INPP5A: variants seen among roughly 807,000 people sequenced by gnomAD.
INPP5A encodes 43 kDa inositol polyphosphate 5-phophatase.
INPP5A carries 14 observed loss-of-function variants against 65.2 expected under a neutral mutation model. That is an observed-to-expected ratio of 0.21 (90% confidence interval 0.14 to 0.34). The LOEUF (loss-of-function observed/expected upper bound fraction) is 0.34, where lower values mean the gene tolerates loss of function less well. Ranked by LOEUF, INPP5A falls within the 10% of genes least tolerant of loss-of-function variation. The pLI, the probability that INPP5A is intolerant of heterozygous loss-of-function variation, is 1.00. For synonymous variants in INPP5A, 207 were observed against 208.3 expected (o/e 0.99, Z 0.05); for missense variants, 431 against 545.6 (o/e 0.79, Z 2.09).
chr10:132,653,490 C>T (rs768533052), intron 4 of INPP5A, among the ~76,000 whole-genome samples: 2 of 152,156 alleles, frequency 1.3e-5, no homozygotes, highest in Non-Finnish European at 2.9e-5. Flanking sequence ...GGGTTGTTCT[C>T]CCTTCTTTCC....
intron 13 of INPP5A, among the ~76,000 whole-genome samples, chr10:132,779,357 C>T (rs770462604): frequency 1.3e-4 from 20 of 152,246 alleles, no homozygotes; most frequent in Non-Finnish European, 2.6e-4. Context: ...CTGCCACCAG[C>T]GGGGCAGGAG....
chr10:132,563,584 A>C (rs1463490770), intron 1 of INPP5A, among the ~76,000 whole-genome samples: 1 of 152,204 alleles, frequency 6.6e-6, no homozygotes, highest in Non-Finnish European at 1.5e-5. Flanking sequence ...TGTTACACTG[A>C]ATAACTTCAA....
chr10:132,645,294 C>A (rs146348618), intron 2 of INPP5A, among the ~76,000 whole-genome samples: 1 of 152,178 alleles, frequency 6.6e-6, no homozygotes, highest in East Asian at 1.9e-4. Flanking sequence ...AGTGGCCTTG[C>A]GTGAGTTGCT....
rs1351886973 is a variant in INPP5A, at chr10:132,545,060, CCTGCG to C, written c.75+6894_75+6898del. On this transcript the variant is annotated intron_variant, in intron 1 of 15. Coordinates refer to ENST00000368594, the MANE Select transcript of INPP5A (RefSeq NM_005539.5). This position sits in a 1 kb window ranked among gnomAD's most constrained non-coding sequence, Gnocchi z 4.6. ...GGCGTGGTCACGTCCGTCCCTGTTGCCTGCGCTGCTCCGAGAAGCCCCACTCTGAC... is the reference window on the plus strand; with the variant it reads ...GGCGTGGTCACGTCCGTCCCTGTTGCCTGCTCCGAGAAGCCCCACTCTGAC... Among the ~76,000 whole-genome samples the C allele has an allele frequency of 1.3e-5, 2 of 152,110 alleles. No individual in the cohort carries two copies. Among genetic ancestry groups the C allele is most frequent in the Non-Finnish European group, 2.9e-5 (2 of 68,028 alleles).
intron 1 of INPP5A, among the ~76,000 whole-genome samples, chr10:132,600,859 C>T (rs779252269): frequency 2.0e-5 from 3 of 152,178 alleles, no homozygotes; most frequent in Non-Finnish European, 2.9e-5. Flanking sequence ...TTCACTATCA[C>T]GAGAATAGCA....
chr10:132,590,286 G>C (rs1037563986), intron 1 of INPP5A, among the ~76,000 whole-genome samples: 8 of 151,902 alleles, frequency 5.3e-5, no homozygotes, highest in Non-Finnish European at 1.2e-4. Context: ...ACGCCGTCCT[G>C]TGTGGGGACT....
intron 1 of INPP5A, among the ~76,000 whole-genome samples, chr10:132,590,877 G>A (rs2071611665): frequency 6.6e-6 from 1 of 152,200 alleles, no homozygotes; most frequent in South Asian, 2.1e-4. Context: ...TGTCCTGTCC[G>A]TGGTTAGTTA....
At chr10:132,723,417 C>T (rs1226420019) in intron 8 of INPP5A, among the ~76,000 whole-genome samples, 1 of 152,192 alleles carries the variant, frequency 6.6e-6, no homozygotes, top group Non-Finnish European at 1.5e-5. Context: ...TCCTGCGACA[C>T]CGCACACAGA....
intron 11 of INPP5A, among the ~76,000 whole-genome samples, chr10:132,754,803 T>C (rs1208800633): frequency 1.3e-5 from 2 of 152,236 alleles, no homozygotes; most frequent in Non-Finnish European, 2.9e-5. Context: ...TCCTTCTTCC[T>C]GGAGTTTTCC....
rs990573214 is a variant in INPP5A at position 132,625,961 on chromosome 10, C to T, written c.117+18005C>T. Among the ~76,000 whole-genome samples the T allele has an allele frequency of 9.9e-5, 15 of 152,054 alleles. No individual in the cohort carries two copies. In the East Asian group the frequency reaches 2.5e-3, roughly 25 times the overall value. On this transcript the variant is annotated intron_variant, in intron 2 of 15. Coordinates refer to ENST00000368594, the MANE Select transcript of INPP5A (RefSeq NM_005539.5). ...TATTGATCTTTGGTGCATGTTTCTT[C>T]GATTTTGACAAATGCGCACACCTGT...
At position 132,546,364 on chromosome 10, in the gene INPP5A, A is replaced by C. The variant is rs1301287096; in HGVS notation, c.75+8193A>C. On this transcript the variant is annotated intron_variant, in intron 1 of 15. Coordinates refer to ENST00000368594, the MANE Select transcript of INPP5A (RefSeq NM_005539.5). This position sits in a 1 kb window ranked among gnomAD's most constrained non-coding sequence, Gnocchi z 5.7. ...GTTTTTCCCCGTTGTGAGTGAGAAC[A>C]GCCCCACCTCCAGGAGCATGGCCTC... Among the ~76,000 whole-genome samples the C allele has an allele frequency of 6.6e-6, 1 of 151,856 alleles. No individual in the cohort carries two copies. The highest frequency in any genetic ancestry group is 1.5e-5 in the Non-Finnish European group (1 of 68,008).
chr10:132,680,263 A>G (rs1421346717), intron 4 of INPP5A, among the ~76,000 whole-genome samples: 1 of 152,194 alleles, frequency 6.6e-6, no homozygotes, highest in African/African-American at 2.4e-5. Context: ...AACAGCAACA[A>G]CAAAAACCAA....
At chr10:132,709,601 G>A (rs912241679) in intron 7 of INPP5A, among the ~76,000 whole-genome samples, 4 of 152,138 alleles carry the variant, frequency 2.6e-5, no homozygotes, top group African/African-American at 9.7e-5. Flanking sequence ...TGTGGCAGCT[G>A]GGCCACAGGC....
At chr10:132,548,376 T>C (rs1235631067) in intron 1 of INPP5A, among the ~76,000 whole-genome samples, 4 of 152,144 alleles carry the variant, frequency 2.6e-5, no homozygotes, top group African/African-American at 7.2e-5. Flanking sequence ...AGGCCAGGCC[T>C]CTGCTGCCCG....
chr10:132,568,051 T>C (rs58101634), intron 1 of INPP5A, among the ~76,000 whole-genome samples: 4,181 of 151,626 alleles, frequency 0.028, 82 homozygotes, highest in African/African-American at 0.046. Flanking sequence ...ATTAGCTGGG[T>C]GTGGTGGTGC....
chr10:132,558,481 G>A (rs1011761099), intron 1 of INPP5A, among the ~76,000 whole-genome samples: 3 of 152,216 alleles, frequency 2.0e-5, no homozygotes, highest in Non-Finnish European at 4.4e-5. Context: ...AGTAGAGACC[G>A]GAGTCTCCAT....
rs375300523 is a variant in INPP5A, at chr10:132,676,872, G to A, written c.307-13520G>A. ...TTTTCTCTGGCTCCAGCTCCTCCTT[G>A]GCAAGCTGAGTCTTCCCCAGCTTTG... is the stretch of plus-strand genomic sequence containing the variant. On this transcript the variant is annotated intron_variant, in intron 4 of 15. Coordinates refer to ENST00000368594, the MANE Select transcript of INPP5A (RefSeq NM_005539.5). This position sits in a 1 kb window ranked among gnomAD's most constrained non-coding sequence, Gnocchi z 4.0. Among the ~76,000 whole-genome samples the A allele has an allele frequency of 6.6e-6, 1 of 152,154 alleles. No individual in the cohort carries two copies. The highest frequency in any genetic ancestry group is 1.9e-4 in the East Asian group (1 of 5,188).
Position 132,550,760 on chromosome 10 carries a change from C to T in INPP5A, c.75+12589C>T, listed in dbSNP as rs1444420494. ...CATGGAAGACGGTGGAGGTGGCAGC[C>T]GCCAGAGTGTGAGGGGCCATGGTCG... On this transcript the variant is annotated intron_variant, in intron 1 of 15. Transcript: ENST00000368594. This position sits in a 1 kb window ranked among gnomAD's most constrained non-coding sequence, Gnocchi z 4.2. 6.6e-6 allele frequency among the ~76,000 whole-genome samples: 1 copy of T among 152,196 alleles called. No individual in the cohort carries two copies. The highest frequency in any genetic ancestry group is 1.9e-4 in the East Asian group (1 of 5,198).
rs565991837 is a variant in INPP5A, at chr10:132,712,563, C to T, written c.647+2107C>T. On this transcript the variant is annotated intron_variant, in intron 8 of 15. Coordinates refer to ENST00000368594, the MANE Select transcript of INPP5A (RefSeq NM_005539.5). ...GCACACGTGGACACATGTGAGTGCA[C>T]TTGTGTGGCTGCATGTGAGTGCGGG... Among the ~76,000 whole-genome samples the T allele has an allele frequency of 3.4e-5, 5 of 146,534 alleles. No individual in the cohort carries two copies. In the East Asian group the frequency reaches 1.0e-3, roughly 30 times the overall value.
Sources: gnomAD v4.1 joint callset for allele counts (sites outside exome capture counted in the v4.1 genomes callset) on GRCh38, gnomAD v4.1.1 for gene constraint, Gnocchi (gnomAD v3.1) non-coding constraint, MANE v1.5 for transcripts, NCBI Gene and HGNC (gene_info 2026-07-23, HGNC 2026-07-21) for gene names.